The following PPM1E variants were observed in gnomAD, a reference collection of about 807,000 sequenced individuals.
PPM1E encodes protein phosphatase, Mg2+/Mn2+ dependent 1E.
A neutral mutation model predicts 65.9 loss-of-function variants in PPM1E; 20 were observed. That is an observed-to-expected ratio of 0.30 (90% CI 0.21 to 0.44). The LOEUF (loss-of-function observed/expected upper bound fraction) is 0.44, where lower values mean the gene tolerates loss of function less well. Among genes scored for constraint, PPM1E ranks in the 20% least tolerant of loss-of-function variants. The probability of loss-of-function intolerance (pLI) is 1.00; values close to 1 mark genes in which losing one functional copy is unlikely to be tolerated. For synonymous variants in PPM1E, 352 were observed against 374.9 expected (o/e 0.94, Z 0.70); for missense variants, 713 against 953.1 (o/e 0.75, Z 3.32).
chr17:58,947,419 T>C (rs1358597689), intron 1 of PPM1E, among the ~76,000 whole-genome samples: 6 of 151,714 alleles, frequency 4.0e-5, no homozygotes, highest in African/African-American at 1.5e-4. Flanking sequence ...GTATTTTTGG[T>C]AGAGACAGGG....
chr17:58,831,251 C>T (rs1473623743), intron 1 of PPM1E, among the ~76,000 whole-genome samples: 1 of 152,086 alleles, frequency 6.6e-6, no homozygotes, highest in South Asian at 2.1e-4. Flanking sequence ...ACCTTGTAAT[C>T]GTCCACCTTG....
At position 58,965,741 on chromosome 17, in the gene PPM1E, G is replaced by T; in HGVS notation, c.631G>T (p.Glu211Ter). The T allele has an allele frequency of 6.2e-7, 1 of 1,614,076 alleles. No homozygotes were observed. The highest frequency in any genetic ancestry group is 2.2e-5 in the East Asian group (1 of 44,874). ...LARSVFSKLH[E>*]ICCSWVKDFP... Reference sequence around the variant, plus strand: ...CCGTTCTGTCTTCAGCAAACTACACGAGATTTGCTGCAGCTGGGTGAAAGA... The same window carrying T: ...CCGTTCTGTCTTCAGCAAACTACACTAGATTTGCTGCAGCTGGGTGAAAGA... The change falls in exon 3 of 7, where the codon GAG becomes TAG. Residue 211 changes from glutamate (E) to a stop codon, truncating the protein, a stop_gained. Coordinates refer to ENST00000308249, the MANE Select transcript of PPM1E (RefSeq NM_014906.5). LOFTEE classifies it high-confidence loss of function.
chr17:58,821,716 G>T (rs1336337037), intron 1 of PPM1E, among the ~76,000 whole-genome samples: 1 of 152,152 alleles, frequency 6.6e-6, no homozygotes, highest in African/African-American at 2.4e-5. Context: ...AATAACCGAA[G>T]TCTTCTTTAA....
Position 58,785,012 on chromosome 17 carries a change from A to G in PPM1E, c.464+28551A>G, listed in dbSNP as rs146902670. ...TCAATTTTGATATAGTCCAATTTAT[A>G]TATTTTTTCTTTTGTCACATGTCCT... On this transcript the variant is annotated intron_variant, in intron 1 of 6. Coordinates refer to ENST00000308249, the MANE Select transcript of PPM1E (RefSeq NM_014906.5). Among the ~76,000 whole-genome samples the G allele has an allele frequency of 1.7e-4, 26 of 152,194 alleles. No homozygotes were observed. The East Asian group carries it at 5.0e-3, about 29-fold the overall frequency.
At chr17:58,834,347 GCTT>G (rs1314483465) in intron 1 of PPM1E, among the ~76,000 whole-genome samples, 2 of 151,898 alleles carry the variant, frequency 1.3e-5, no homozygotes, top group African/African-American at 4.8e-5. Context: ...CCAATCTGTG[GCTT>G]CTTTTCTCAT....
At chr17:58,926,074 C>T (rs1442398641) in intron 1 of PPM1E, among the ~76,000 whole-genome samples, 1 of 152,122 alleles carries the variant, frequency 6.6e-6, no homozygotes, top group African/African-American at 2.4e-5. Flanking sequence ...GGTGCGATGG[C>T]TCATGCCTGT....
At chr17:58,962,282 C>T (rs995529068) in intron 2 of PPM1E, among the ~76,000 whole-genome samples, 2 of 143,510 alleles carry the variant, frequency 1.4e-5, no homozygotes, top group African/African-American at 5.2e-5. Context: ...GAAACTCCAT[C>T]TCAAAAAAAA....
intron 3 of PPM1E, among the ~76,000 whole-genome samples, chr17:58,967,789 A>G (rs2030347169): frequency 1.3e-5 from 2 of 149,596 alleles, no homozygotes; most frequent in South Asian, 4.2e-4. Flanking sequence ...TCTACCTGTC[A>G]GCATTCTTTA....
At chr17:58,959,076 A>G (rs1466626283) in intron 2 of PPM1E, among the ~76,000 whole-genome samples, 3 of 152,046 alleles carry the variant, frequency 2.0e-5, no homozygotes, top group Non-Finnish European at 2.9e-5. Flanking sequence ...TGGGAGGCCG[A>G]GGCAGGCAGA....
At chr17:58,926,116 G>A (rs2051821053) in intron 1 of PPM1E, among the ~76,000 whole-genome samples, 1 of 152,040 alleles carries the variant, frequency 6.6e-6, no homozygotes, top group Non-Finnish European at 1.5e-5. Context: ...TGAGATGGGC[G>A]GATCACTTGA....
intron 2 of PPM1E, among the ~76,000 whole-genome samples, chr17:58,963,050 C>A (rs928749333): frequency 6.6e-6 from 1 of 151,676 alleles, no homozygotes; most frequent in Non-Finnish European, 1.5e-5. Flanking sequence ...GATTACATCA[C>A]CCCACTCTAG....
chr17:58,845,347 G>A (rs1303299551), intron 1 of PPM1E, among the ~76,000 whole-genome samples: 1 of 148,916 alleles, frequency 6.7e-6, no homozygotes, highest in Non-Finnish European at 1.5e-5. Flanking sequence ...TACACATAAC[G>A]AAATGTTCTG....
chr17:58,804,104 AT>A (rs2050283529), intron 1 of PPM1E, among the ~76,000 whole-genome samples: 1 of 151,952 alleles, frequency 6.6e-6, no homozygotes, highest in Non-Finnish European at 1.5e-5. Flanking sequence ...ATTTTTTAAT[AT>A]TTTGAAGAGA....
rs2031616563 is a variant in PPM1E, at chr17:58,984,552, C to A, written c.*3521C>A. ...GTTTTGTCCACACTTTAATTTGAGA[C>A]CATTTTTCTTTGAATCGTAAGTTAG... On this transcript the variant is annotated 3_prime_UTR_variant, in exon 7 of 7. Coordinates refer to ENST00000308249, the MANE Select transcript of PPM1E (RefSeq NM_014906.5). 1 of 152,600 alleles carries A rather than the reference C, an allele frequency of 6.6e-6. No homozygotes were observed. Among genetic ancestry groups the A allele is most frequent in the East Asian group, 1.9e-4 (1 of 5,182 alleles). 9.5% of individuals were successfully genotyped at this position (152,600 alleles called of 1,614,324 possible). A position where few individuals can be genotyped will look rare whatever the true frequency, so the allele number is the denominator to read the frequency against.
chr17:58,841,523 T>A (rs975227941), intron 1 of PPM1E, among the ~76,000 whole-genome samples: 98 of 146,136 alleles, frequency 6.7e-4, no homozygotes, highest in Middle Eastern at 3.6e-3. Flanking sequence ...AACAAATACT[T>A]TTTTTTTTTT....
chr17:58,850,283 G>A (rs9914230), intron 1 of PPM1E, among the ~76,000 whole-genome samples: 21,879 of 151,896 alleles, frequency 0.14, 2,390 homozygotes, highest in East Asian at 0.31. Context: ...TACATTTAAG[G>A]TTAATATTGT....
At chr17:58,768,679 T>C (rs2049906500) in intron 1 of PPM1E, among the ~76,000 whole-genome samples, 1 of 152,190 alleles carries the variant, frequency 6.6e-6, no homozygotes, top group Non-Finnish European at 1.5e-5. Flanking sequence ...TATTTTATTT[T>C]ATTTTTTGAG....
chr17:58,883,253 C>A (rs370957350), intron 1 of PPM1E, among the ~76,000 whole-genome samples: 1 of 151,728 alleles, frequency 6.6e-6, no homozygotes, highest in Non-Finnish European at 1.5e-5. Flanking sequence ...CCACCGCGCC[C>A]GGCCTGTTAT....
intron 1 of PPM1E, chr17:58,785,649 G>A (rs960522815): frequency 6.6e-6 from 1 of 151,268 alleles, no homozygotes; most frequent in African/African-American, 2.4e-5. Flanking sequence ...TAAAAACTAT[G>A]GAAGATAGGA....
Sources: allele counts gnomAD v4.1 joint callset (sites outside exome capture counted in the v4.1 genomes callset), GRCh38; gene constraint gnomAD v4.1.1; transcripts MANE v1.5; gene names NCBI Gene and HGNC (gene_info 2026-07-23, HGNC 2026-07-21).